SORCS3: variants seen among roughly 807,000 people sequenced by gnomAD.
SORCS3 encodes sortilin related VPS10 domain containing receptor 3.
Under a neutral mutation model 146.3 loss-of-function variants are expected in SORCS3, and 57 were observed. The ratio of observed to expected loss-of-function variants is 0.39; its 90% confidence interval spans 0.31 to 0.49. The LOEUF (loss-of-function observed/expected upper bound fraction) is 0.49. SORCS3 is among the 20% of genes least tolerant of loss of function. The pLI is 0.92. For missense variants in SORCS3, 1,341 were observed against 1,575.5 expected, an observed-to-expected ratio of 0.85 and a Z score of 2.52; for synonymous variants, 653 against 618.5, an observed-to-expected ratio of 1.06 and a Z score of -0.83.
intron 2 of SORCS3, among the ~76,000 whole-genome samples, chr10:104,867,714 G>T (rs1418802991): frequency 6.6e-6 from 1 of 152,082 alleles, no homozygotes; most frequent in Non-Finnish European, 1.5e-5. Context: ...CCAGTCCCAG[G>T]CCTGCCTAGG....
At chr10:104,791,813 C>T (rs910947170) in intron 1 of SORCS3, among the ~76,000 whole-genome samples, 2 of 152,148 alleles carry the variant, frequency 1.3e-5, no homozygotes, top group African/African-American at 4.8e-5. Context: ...GGCCTGTCTC[C>T]TCAGTGCTTC....
chr10:105,215,481 A>T (rs1223383476), intron 18 of SORCS3, among the ~76,000 whole-genome samples: 2 of 152,150 alleles, frequency 1.3e-5, no homozygotes, highest in African/African-American at 2.4e-5. Flanking sequence ...AGGGTGGTGA[A>T]GGTTCCTTAT....
rs144076028 is a variant in SORCS3, at chr10:105,219,980, G to A, written c.2734+2858G>A. On this transcript the variant is annotated intron_variant, in intron 19 of 26. Transcript: ENST00000369701. ...CAATCATGGCTGCATTTTCCAGATA[G>A]TTTTTATTGTGGAGACTGCTCTTGG... Among the ~76,000 whole-genome samples the A allele has an allele frequency of 2.7e-3, 411 of 152,282 alleles. 21 individuals are homozygous for A. The East Asian group carries it at 0.075, about 28-fold the overall frequency.
At chr10:104,672,884 G>A (rs899361925) in intron 1 of SORCS3, among the ~76,000 whole-genome samples, 1 of 152,002 alleles carries the variant, frequency 6.6e-6, no homozygotes, top group African/African-American at 2.4e-5. Context: ...TTATTATGAA[G>A]CTATTTCTCC....
At chr10:104,674,703 T>C (rs1396585155) in intron 1 of SORCS3, among the ~76,000 whole-genome samples, 1 of 152,236 alleles carries the variant, frequency 6.6e-6, no homozygotes, top group Non-Finnish European at 1.5e-5. Flanking sequence ...AACTGTTCAG[T>C]TTTGGAATAA....
At chr10:105,232,242 C>A (rs752660773) in intron 20 of SORCS3, among the ~76,000 whole-genome samples, 5 of 151,996 alleles carry the variant, frequency 3.3e-5, no homozygotes, top group South Asian at 2.1e-4. Flanking sequence ...ATTCAAATAA[C>A]CTTTTTCATC....
At chr10:104,898,046 A>C (rs973768000) in intron 2 of SORCS3, among the ~76,000 whole-genome samples, 26 of 152,124 alleles carry the variant, frequency 1.7e-4, no homozygotes, top group African/African-American at 5.3e-4. Context: ...GCTTCTCTGT[A>C]AGGCTTCCAG....
At chr10:105,045,320 G>A (rs1379879940) in intron 5 of SORCS3, among the ~76,000 whole-genome samples, 3 of 152,142 alleles carry the variant, frequency 2.0e-5, no homozygotes, top group Non-Finnish European at 4.4e-5. Flanking sequence ...CCTGATAATT[G>A]TGTTTTGTCT....
intron 9 of SORCS3, among the ~76,000 whole-genome samples, chr10:105,152,571 A>G (rs2056175074): frequency 6.6e-6 from 1 of 152,224 alleles, no homozygotes; most frequent in Non-Finnish European, 1.5e-5. Flanking sequence ...TAAAAAAAGA[A>G]GATTCACATA....
chr10:105,232,012 ATTTGGTATTTGGTTGATGGTTGAT>A (rs1451291781), intron 20 of SORCS3, among the ~76,000 whole-genome samples: 2 of 151,868 alleles, frequency 1.3e-5, no homozygotes, highest in Non-Finnish European at 2.9e-5. Flanking sequence ...TACATTTGGT[ATTTGGTATTTGGTTGATGGTTGAT>A]TTTGGTATTT....
intron 1 of SORCS3, among the ~76,000 whole-genome samples, chr10:104,766,693 T>C (rs1469057376): frequency 2.0e-5 from 3 of 152,174 alleles, no homozygotes; most frequent in Non-Finnish European, 4.4e-5. Context: ...ATGGGCCATG[T>C]TGGAGACAGG....
intron 9 of SORCS3, among the ~76,000 whole-genome samples, chr10:105,149,150 T>A (rs1316129726): frequency 6.6e-6 from 1 of 152,146 alleles, no homozygotes; most frequent in Non-Finnish European, 1.5e-5. Context: ...CTTTTCTTCA[T>A]GAATCACCCA....
At chr10:104,917,553 GTCA>G (rs1467376400) in intron 3 of SORCS3, among the ~76,000 whole-genome samples, 3 of 152,128 alleles carry the variant, frequency 2.0e-5, no homozygotes, top group East Asian at 3.9e-4. Context: ...ATTAACTATA[GTCA>G]TCATGCTCTA....
intron 4 of SORCS3, among the ~76,000 whole-genome samples, chr10:105,017,573 G>GTAT (rs1180772329): frequency 1.3e-5 from 2 of 152,166 alleles, no homozygotes; most frequent in African/African-American, 2.4e-5. Flanking sequence ...ATTATTAGTA[G>GTAT]TATTATTATT....
Position 105,158,863 on chromosome 10 carries a change from G to A in SORCS3, c.1630-29G>A, listed in dbSNP as rs569222690. The stretch of plus-strand genomic sequence containing the variant: ...GGGTACAGGTGTCTGGAATTTCCTA[G>A]AATGAAACTATTTCTTTCTCCATTT... On this transcript the variant is annotated intron_variant, in intron 10 of 26. Transcript: ENST00000369701. 10 of 1,568,176 alleles carry A rather than the reference G, an allele frequency of 6.4e-6. No homozygotes were observed. In the Admixed American group the frequency reaches 1.5e-4, roughly 24 times the overall value.
intron 6 of SORCS3, among the ~76,000 whole-genome samples, chr10:105,101,226 C>T (rs919422074): frequency 5.9e-5 from 9 of 152,278 alleles, no homozygotes; most frequent in Admixed American, 4.6e-4. Flanking sequence ...GAAGTAATGT[C>T]TAGAATTCTA....
chr10:105,100,607 G>C (rs1564753834), intron 6 of SORCS3, among the ~76,000 whole-genome samples: 1 of 152,130 alleles, frequency 6.6e-6, no homozygotes, highest in Non-Finnish European at 1.5e-5. Flanking sequence ...TCCTTGATTT[G>C]TCCAGCCCAT....
chr10:104,996,301 T>G (rs1028582222), intron 4 of SORCS3, among the ~76,000 whole-genome samples: 1 of 152,208 alleles, frequency 6.6e-6, no homozygotes, highest in African/African-American at 2.4e-5. Context: ...GAATTGGCCT[T>G]TTAAACATAT....
intron 2 of SORCS3, among the ~76,000 whole-genome samples, chr10:104,894,602 T>C (rs2018780801): frequency 6.6e-6 from 1 of 152,126 alleles, no homozygotes; most frequent in Admixed American, 6.5e-5. Context: ...TCATGTTGAA[T>C]TTGGATTGTA....
Sources: gnomAD v4.1 joint callset for allele counts (sites outside exome capture counted in the v4.1 genomes callset) on GRCh38, gnomAD v4.1.1 for gene constraint, MANE v1.5 for transcripts, NCBI Gene and HGNC (gene_info 2026-07-23, HGNC 2026-07-21) for gene names.